Variants in ANKFN1 observed in about 807,000 individuals in gnomAD.
ANKFN1 encodes the protein ankyrin repeat and fibronectin type-III domain-containing protein 1.
Under a neutral mutation model 108.7 loss-of-function variants are expected in ANKFN1, and 74 were observed. The observed-to-expected ratio is 0.68, with a 90% CI of 0.56 to 0.83. The LOEUF is 0.83. Ranked by LOEUF, ANKFN1 falls within the 40% of genes least tolerant of loss-of-function variation. ANKFN1 has a pLI of 0.00. For synonymous variants in ANKFN1, 547 were observed against 516.2 expected, an observed-to-expected ratio of 1.06 and a Z score of -0.81; for missense variants, 1,505 against 1,382.3, an observed-to-expected ratio of 1.09 and a Z score of -1.41.
At chr17:56,071,004 G>A (rs1197235632) in intron 4 of ANKFN1, among the ~76,000 whole-genome samples, 1 of 152,060 alleles carries the variant, frequency 6.6e-6, no homozygotes, top group Non-Finnish European at 1.5e-5. Flanking sequence ...AAAGTGCTGG[G>A]ATTACAGGCA....
At chr17:56,105,675 T>C (rs1905734298) in intron 4 of ANKFN1, among the ~76,000 whole-genome samples, 1 of 151,124 alleles carries the variant, frequency 6.6e-6, no homozygotes, top group Non-Finnish European at 1.5e-5. Flanking sequence ...TATTGCTTTT[T>C]TTCAGTTAAT....
intron 3 of ANKFN1, among the ~76,000 whole-genome samples, chr17:56,290,401 G>T (rs1157017138): frequency 6.6e-6 from 1 of 152,182 alleles, no homozygotes; most frequent in Admixed American, 6.5e-5. Context: ...CAAGAAAATA[G>T]AATTGTAAGG....
chr17:56,484,530 GA>G (rs2050801388), intron 18 of ANKFN1, among the ~76,000 whole-genome samples: 1 of 152,104 alleles, frequency 6.6e-6, no homozygotes, highest in East Asian at 1.9e-4. Context: ...AATCAGAGGG[GA>G]AAAAATGGTT....
At chr17:56,403,043 C>T (rs1035956414) in intron 8 of ANKFN1, among the ~76,000 whole-genome samples, 19 of 152,122 alleles carry the variant, frequency 1.2e-4, no homozygotes, top group African/African-American at 4.3e-4. Flanking sequence ...AGTTTTATTC[C>T]ACTGTGGTCT....
chr17:56,391,429 C>T (rs1406930942), intron 8 of ANKFN1, among the ~76,000 whole-genome samples: 1 of 149,154 alleles, frequency 6.7e-6, no homozygotes, highest in Non-Finnish European at 1.5e-5. Flanking sequence ...TATATGTGCA[C>T]ACACACAGTC....
At chr17:56,052,416 T>C (rs1266091557) in intron 4 of ANKFN1, among the ~76,000 whole-genome samples, 1 of 152,098 alleles carries the variant, frequency 6.6e-6, no homozygotes, top group Non-Finnish European at 1.5e-5. Flanking sequence ...CCAGGAGAAA[T>C]GGCATGCCCG....
intron 1 of ANKFN1, among the ~76,000 whole-genome samples, chr17:56,171,494 A>G (rs571082387): frequency 2.0e-5 from 3 of 152,136 alleles, no homozygotes; most frequent in Non-Finnish European, 4.4e-5. Context: ...GCATTCCAAG[A>G]AGTTGTGTTG....
In ANKFN1 at chr17:56,437,973, G is replaced by GGTGTGTGTGTGTGT. The variant is rs150040769; in HGVS notation, c.911-2333_911-2320dup. Among the ~76,000 whole-genome samples the GGTGTGTGTGTGTGT allele has an allele frequency of 1.5e-3, 215 of 142,268 alleles. 1 individual carries two copies. Among genetic ancestry groups the GGTGTGTGTGTGTGT allele is most frequent in the Admixed American group, 3.7e-3 (52 of 13,886 alleles). 93.3% of individuals were successfully genotyped at this position (142,268 alleles called of 152,430 possible). A position where few individuals can be genotyped will look rare whatever the true frequency, so the allele number is the denominator to read the frequency against. On this transcript the variant is annotated intron_variant, in intron 8 of 20. Transcript: ENST00000682825. ...GTGTTGGAAAAACTAATCTACTGTA[G>GGTGTGTGTGTGTGT]GTGTGTGTGTGTGTGTGTGTGTGTG...
intron 6 of ANKFN1, among the ~76,000 whole-genome samples, chr17:56,359,081 A>G (rs2046447096): frequency 6.6e-6 from 1 of 152,234 alleles, no homozygotes; most frequent in Admixed American, 6.5e-5. Context: ...ATTTTATTTC[A>G]TTCTTTGACT....
At chr17:56,083,327 A>G (rs893850037) in intron 4 of ANKFN1, among the ~76,000 whole-genome samples, 2 of 151,372 alleles carry the variant, frequency 1.3e-5, no homozygotes, top group African/African-American at 4.8e-5. Flanking sequence ...TTGTGCACCT[A>G]TCATGTGTTA....
intron 4 of ANKFN1, among the ~76,000 whole-genome samples, chr17:56,334,154 G>A (rs549854188): frequency 3.6e-4 from 55 of 152,092 alleles, no homozygotes; most frequent in Non-Finnish European, 6.0e-4. Flanking sequence ...CTACTGACAC[G>A]AAGAGTATAG....
upstream of ANKFN1, among the ~76,000 whole-genome samples, chr17:56,153,214 C>T (rs1314016172): frequency 6.6e-6 from 1 of 152,188 alleles, no homozygotes; most frequent in Non-Finnish European, 1.5e-5. Context: ...CATTATCAAT[C>T]AACTTATTCC....
intron 8 of ANKFN1, among the ~76,000 whole-genome samples, chr17:56,396,546 T>C (rs2047592932): frequency 6.6e-6 from 1 of 152,160 alleles, no homozygotes; most frequent in Non-Finnish European, 1.5e-5. Flanking sequence ...TTCTGGTTTT[T>C]TTTTGACATT....
At chr17:56,396,207 G>A (rs2047578825) in intron 8 of ANKFN1, among the ~76,000 whole-genome samples, 1 of 152,166 alleles carries the variant, frequency 6.6e-6, no homozygotes, top group African/African-American at 2.4e-5. Flanking sequence ...CCAACACTTG[G>A]GAGGCCAAGG....
intron 6 of ANKFN1, among the ~76,000 whole-genome samples, chr17:56,355,978 C>T (rs2046365798): frequency 2.0e-5 from 3 of 152,128 alleles, no homozygotes; most frequent in Non-Finnish European, 4.4e-5. Flanking sequence ...TCTTGACAAC[C>T]ATGAACCTAC....
At chr17:56,183,658 A>G (rs1419135398) in intron 1 of ANKFN1, among the ~76,000 whole-genome samples, 1 of 152,152 alleles carries the variant, frequency 6.6e-6, no homozygotes, top group Non-Finnish European at 1.5e-5. Context: ...CCAGAAGCCA[A>G]GCAGATGCTG....
intron 4 of ANKFN1, among the ~76,000 whole-genome samples, chr17:56,082,146 G>C (rs1905253271): frequency 6.6e-6 from 1 of 152,160 alleles, no homozygotes; most frequent in Admixed American, 6.5e-5. Flanking sequence ...CTACCAGTTA[G>C]TAACACATCC....
At chr17:56,260,150 C>T (rs1284348681) in intron 3 of ANKFN1, among the ~76,000 whole-genome samples, 1 of 152,112 alleles carries the variant, frequency 6.6e-6, no homozygotes, top group African/African-American at 2.4e-5. Context: ...TTCAGCTTTC[C>T]CAATGTGACT....
chr17:56,133,242 C>T (rs1169633900), intron 4 of ANKFN1, among the ~76,000 whole-genome samples: 2 of 152,080 alleles, frequency 1.3e-5, no homozygotes, highest in Non-Finnish European at 2.9e-5. Context: ...CAAGAAATAG[C>T]CTTTCCTCAA....
Sources: allele counts gnomAD v4.1 joint callset (sites outside exome capture counted in the v4.1 genomes callset), GRCh38; gene constraint gnomAD v4.1.1; transcripts MANE v1.5; gene names NCBI Gene and HGNC (gene_info 2026-07-23, HGNC 2026-07-21).